NUTM2E: variants seen among roughly 807,000 people sequenced by gnomAD.
NUTM2E encodes NUT family member 2E.
In NUTM2E, 3 loss-of-function variants were observed where a neutral mutation model predicts 26.1. That is an observed-to-expected ratio of 0.12 (90% confidence interval 0.05 to 0.30). The LOEUF is 0.30. Ranked by LOEUF, NUTM2E falls within the 10% of genes least tolerant of loss-of-function variation. The pLI is 1.00. For missense variants in NUTM2E, 62 were observed against 381.3 expected (o/e 0.16, Z 6.97); for synonymous variants, 13 against 157.5 (o/e 0.08, Z 6.87).
rs1295932861 is a variant in NUTM2E, at chr10:79,827,289, C to A, written c.-2796C>A. On this transcript the variant is annotated 5_prime_UTR_variant, in exon 1 of 10. Transcript: ENST00000429984. ...ATTCAACAAGCCGATTGATCACATT[C>A]TTCAGCTCTAGCAGTGCAAAGGCTT... The A allele has an allele frequency of 6.5e-6, 1 of 153,154 alleles. No individual in the cohort carries two copies. The highest frequency in any genetic ancestry group is 1.5e-5 in the Non-Finnish European group (1 of 67,928). 9.5% of individuals were successfully genotyped at this position (153,154 alleles called of 1,614,324 possible).
rs567678483 is a variant in NUTM2E, at chr10:79,835,515, C to T, written c.-2727-2794C>T. ...CCTCTGACTACCTCCTAGATATTTT[C>T]TGCCACGTCAGCAGTAGGCAGAGGA... On this transcript the variant is annotated intron_variant, in intron 1 of 9. Coordinates refer to ENST00000429984, the MANE Select transcript of NUTM2E (RefSeq NM_001355263.2). 3.4e-3 allele frequency among the ~76,000 whole-genome samples: 358 copies of T among 104,362 alleles called. 2 individuals are homozygous for T. The highest frequency in any genetic ancestry group is 0.012 in the African/African-American group (348 of 29,236). The allele number at this position is 104,362 out of a possible 152,430, so 68.5% of individuals were successfully genotyped here. A position where few individuals can be genotyped will look rare whatever the true frequency, so the allele number is the denominator to read the frequency against.
chr10:79,827,795 G>GTTTTTTTTT (rs57414762), intron 1 of NUTM2E, among the ~76,000 whole-genome samples: 5 of 127,728 alleles, frequency 3.9e-5, no homozygotes, highest in East Asian at 2.3e-4. Context: ...TTTTTTTTTT[G>GTTTTTTTTT]TTTTTTTTTT....
chr10:79,835,093 T>G lies in NUTM2E; in HGVS notation c.-2727-3216T>G, dbSNP rs1318026491. 9.4e-5 allele frequency among the ~76,000 whole-genome samples: 14 copies of G among 149,308 alleles called. No individual in the cohort carries two copies. The South Asian group carries it at 1.8e-3, about 19-fold the overall frequency. On this transcript the variant is annotated intron_variant, in intron 1 of 9. Transcript: ENST00000429984. ...AGAGCCTGAAATGACAGAAAGACTT[T>G]TATTTGCATGGAATCTCCTGGAATC...
chr10:79,834,854 A>G (rs1430702127), intron 1 of NUTM2E, among the ~76,000 whole-genome samples: 1 of 151,016 alleles, frequency 6.6e-6, no homozygotes, highest in Non-Finnish European at 1.5e-5. Context: ...AAACACACAA[A>G]CTAAAGAACT....
At chr10:79,836,925 C>A (rs1841967473) in intron 1 of NUTM2E, among the ~76,000 whole-genome samples, 1 of 151,880 alleles carries the variant, frequency 6.6e-6, no homozygotes, top group Non-Finnish European at 1.5e-5. Context: ...ACTCTCCCAC[C>A]TGCAAGAAAA....
Position 79,838,465 on chromosome 10 carries a change from C to G in NUTM2E, c.-2571C>G, listed in dbSNP as rs1484812735. ...GCTACTTCTTTGCTGAACTGCATCA[C>G]GGTTTCAACTGCTGAGGTTTTCTTC... On this transcript the variant is annotated 5_prime_UTR_variant, in exon 2 of 10. Transcript: ENST00000429984. Among the ~76,000 whole-genome samples, 2 of 149,184 alleles carry G rather than the reference C, an allele frequency of 1.3e-5. No individual in the cohort carries two copies.
chr10:79,827,573 A>AAG, intron 1 of NUTM2E: 1 of 151,262 alleles, frequency 6.6e-6, no homozygotes. Flanking sequence ...TCACAAAAAA[A>AAG]AAAAAAAAAA....
intron 1 of NUTM2E, among the ~76,000 whole-genome samples, chr10:79,834,655 G>A (rs1318700060): frequency 6.9e-6 from 1 of 145,274 alleles, no homozygotes; most frequent in Admixed American, 7.0e-5. Flanking sequence ...GCAACAGAGC[G>A]ATGCTCCATC....
chr10:79,836,560 C>T (rs946678260), intron 1 of NUTM2E, among the ~76,000 whole-genome samples: 4 of 151,846 alleles, frequency 2.6e-5, no homozygotes, highest in African/African-American at 7.3e-5. Flanking sequence ...ATATCGACAG[C>T]GTACTCACTA....
chr10:79,828,946 T>G (rs1338336110), intron 1 of NUTM2E, among the ~76,000 whole-genome samples: 1 of 151,824 alleles, frequency 6.6e-6, no homozygotes. Context: ...AAAGAGCATT[T>G]AAATAATTAT....
At chr10:79,830,001 G>A (rs1841916488) in intron 1 of NUTM2E, among the ~76,000 whole-genome samples, 1 of 151,512 alleles carries the variant, frequency 6.6e-6, no homozygotes, top group African/African-American at 2.4e-5. Flanking sequence ...TTATCCAAAA[G>A]TAAGAAGAGG....
chr10:79,836,009 C>T (rs1841960509), intron 1 of NUTM2E, among the ~76,000 whole-genome samples: 1 of 151,386 alleles, frequency 6.6e-6, no homozygotes, highest in Non-Finnish European at 1.5e-5. Flanking sequence ...TTGATATTTC[C>T]AGAAGTCATA....
rs549195136 is a variant in NUTM2E, at chr10:79,838,466, G to A, written c.-2570G>A. On this transcript the variant is annotated 5_prime_UTR_variant, in exon 2 of 10. Transcript: ENST00000429984. ...CTACTTCTTTGCTGAACTGCATCAC[G>A]GTTTCAACTGCTGAGGTTTTCTTCA... Among the ~76,000 whole-genome samples, 1 of 149,124 alleles carries A rather than the reference G, an allele frequency of 6.7e-6. No homozygotes were observed. Among genetic ancestry groups the A allele is most frequent in the Non-Finnish European group, 1.5e-5 (1 of 67,148 alleles).
In NUTM2E at chr10:79,841,833, G is replaced by C; in HGVS notation, c.93G>C (p.Leu31=). 2.8e-6 allele frequency: 1 copy of C among 362,454 alleles called. No homozygotes were observed. The highest frequency in any genetic ancestry group is 2.5e-5 in the South Asian group (1 of 39,990). The allele number at this position is 362,454 out of a possible 1,614,324, so 22.5% of individuals were successfully genotyped here. The change falls in exon 4 of 10, where the codon CTG becomes CTC. Residue 31 remains leucine, a synonymous_variant. Coordinates refer to ENST00000429984, the MANE Select transcript of NUTM2E (RefSeq NM_001355263.2). Reference sequence around the variant, plus strand: ...TAAAGAGGCACACGCCATCTCTGCTGCTGCCTTCCAGTTGGAAGGGAAACT... The same window carrying C: ...TAAAGAGGCACACGCCATCTCTGCTCCTGCCTTCCAGTTGGAAGGGAAACT... ...SCLKRHTPSL[L]LPSSWKGNSG... is the part of the protein sequence containing the mutation.
chr10:79,839,092 C>T lies in NUTM2E; in HGVS notation c.-2137C>T, dbSNP rs997329597. 1.2e-4 allele frequency among the ~76,000 whole-genome samples: 18 copies of T among 151,468 alleles called. No homozygotes were observed. The highest frequency in any genetic ancestry group is 1.8e-4 in the Non-Finnish European group (12 of 67,782). On this transcript the variant is annotated 5_prime_UTR_variant, in exon 3 of 10. Transcript: ENST00000429984. ...CGTGCCTCTGAGAAACCAGCGCGTC[C>T]GCAACGATCACTCCTAATTTTCGGT...
intron 1 of NUTM2E, among the ~76,000 whole-genome samples, chr10:79,831,746 A>G (rs1349401635): frequency 1.3e-5 from 2 of 151,712 alleles, no homozygotes; most frequent in Non-Finnish European, 1.5e-5. Flanking sequence ...ACTGAGATTT[A>G]CAAAAGAATA....
At position 79,830,578 on chromosome 10, in the gene NUTM2E, T is replaced by C. The variant is rs1841921450; in HGVS notation, c.-2728+3221T>C. ...AACCAATAACTTACTTGTGATGCCATAGAAAAAATTCAAGCATCAAACTGA... is the reference window on the plus strand; with the variant it reads ...AACCAATAACTTACTTGTGATGCCACAGAAAAAATTCAAGCATCAAACTGA... On this transcript the variant is annotated intron_variant, in intron 1 of 9. Transcript: ENST00000429984. 4.0e-5 allele frequency among the ~76,000 whole-genome samples: 6 copies of C among 151,832 alleles called. No individual in the cohort carries two copies. The South Asian group carries it at 1.3e-3, about 32-fold the overall frequency.
intron 1 of NUTM2E, among the ~76,000 whole-genome samples, chr10:79,835,004 T>C (rs1841952871): frequency 6.6e-6 from 1 of 151,692 alleles, no homozygotes; most frequent in Non-Finnish European, 1.5e-5. Context: ...TTCAATCTTC[T>C]ATTACTTTTA....
chr10:79,833,086 GA>G (rs1030287208), intron 1 of NUTM2E, among the ~76,000 whole-genome samples: 1 of 151,834 alleles, frequency 6.6e-6, no homozygotes, highest in African/African-American at 2.4e-5. Flanking sequence ...AATAACCAGA[GA>G]AAAGTCACTT....
Sources: gnomAD v4.1 joint callset for allele counts (sites outside exome capture counted in the v4.1 genomes callset) on GRCh38, gnomAD v4.1.1 for gene constraint, MANE v1.5 for transcripts, NCBI Gene and HGNC (gene_info 2026-07-23, HGNC 2026-07-21) for gene names.